Variants in DNAAF5 observed in about 807,000 individuals in gnomAD.
DNAAF5 encodes HEAT repeat containing 2.
In DNAAF5, 64 loss-of-function variants were observed where a neutral mutation model predicts 75.8. The observed-to-expected ratio is 0.84, with a 90% CI of 0.69 to 1.04. The LOEUF is 1.04. Among genes scored for constraint, DNAAF5 ranks in the 50% least tolerant of loss-of-function variants. DNAAF5 has a pLI of 0.00. For missense variants in DNAAF5, 1,269 were observed against 1,178.5 expected (o/e 1.08, Z -1.12); for synonymous variants, 657 against 557.2 (o/e 1.18, Z -2.52).
At position 729,875 on chromosome 7, in the gene DNAAF5, G is replaced by T. The variant is rs776036439; in HGVS notation, c.780+28G>T. ...AACTGGTGTTTCTCCTGGACAGTCT[G>T]TTCCTCTCTCCAACACAGGCGGGCT... On this transcript the variant is annotated intron_variant, in intron 2 of 12. Coordinates refer to ENST00000297440, the MANE Select transcript of DNAAF5 (RefSeq NM_017802.4). 20 of 1,610,148 alleles carry T rather than the reference G, an allele frequency of 1.2e-5. No homozygotes were observed. The African/African-American group carries it at 2.0e-4, about 16-fold the overall frequency.
intron 2 of DNAAF5, among the ~76,000 whole-genome samples, chr7:739,313 T>TCGTGGCAGGTGCGGC (rs1232054024): frequency 3.9e-5 from 6 of 152,208 alleles, no homozygotes; most frequent in Non-Finnish European, 8.8e-5. Flanking sequence ...TGGATTAGCG[T>TCGTGGCAGGTGCGGC]CGTGGCAGGT....
At chr7:769,800 C>T (rs1484059974) in intron 8 of DNAAF5, among the ~76,000 whole-genome samples, 1 of 152,110 alleles carries the variant, frequency 6.6e-6, no homozygotes, top group African/African-American at 2.4e-5. Context: ...CCACCACGCC[C>T]AGCTAATTTT....
intron 2 of DNAAF5, among the ~76,000 whole-genome samples, chr7:730,294 C>A (rs1781524500): frequency 1.3e-5 from 2 of 151,898 alleles, no homozygotes; most frequent in Non-Finnish European, 2.9e-5. Flanking sequence ...AGGCAGGAGT[C>A]CTACAGATGG....
chr7:774,788 C>T (rs1315677020), intron 10 of DNAAF5, among the ~76,000 whole-genome samples: 1 of 152,204 alleles, frequency 6.6e-6, no homozygotes, highest in African/African-American at 2.4e-5. Context: ...TAGTGCCTCA[C>T]CTAGGAGTTG....
chr7:773,645 G>A (rs1778649450), intron 9 of DNAAF5, among the ~76,000 whole-genome samples: 1 of 152,190 alleles, frequency 6.6e-6, no homozygotes, highest in Non-Finnish European at 1.5e-5. Flanking sequence ...TTCTGGGGGA[G>A]GGATGCAGAT....
chr7:735,658 C>G lies in DNAAF5; in HGVS notation c.781-5161C>G, dbSNP rs114809685. On this transcript the variant is annotated intron_variant, in intron 2 of 12. Coordinates refer to ENST00000297440, the MANE Select transcript of DNAAF5 (RefSeq NM_017802.4). ...TTGTTTGTAATGTCCTCTTCGATCT[C>G]TGATTTTATTTACTTGGGTCTTCTC... 4.3e-3 allele frequency among the ~76,000 whole-genome samples: 653 copies of G among 152,312 alleles called. 7 individuals are homozygous for G. The highest frequency in any genetic ancestry group is 0.015 in the African/African-American group (628 of 41,570).
At chr7:739,237 C>T (rs541075029) in intron 2 of DNAAF5, among the ~76,000 whole-genome samples, 1 of 152,168 alleles carries the variant, frequency 6.6e-6, no homozygotes, top group East Asian at 1.9e-4. Context: ...GCCACGCCCT[C>T]TGCCTGACAG....
intron 3 of DNAAF5, 111 bp from the exon 4 acceptor site, chr7:741,236 T>C: frequency 1.2e-6 from 1 of 816,570 alleles, no homozygotes; most frequent in Non-Finnish European, 2.0e-6. Flanking sequence ...GTTGGGGAGC[T>C]TCCCGCTCTC....
At position 759,342 on chromosome 7, in the gene DNAAF5, C is replaced by T. The variant is rs147504564; in HGVS notation, c.1470+2348C>T. Reference sequence around the variant, plus strand: ...AGTAGGTACTTCCAGGTGTCTCGGGCCCAGTAGGTCCCCTAGAGCTCGACA... The same window carrying T: ...AGTAGGTACTTCCAGGTGTCTCGGGTCCAGTAGGTCCCCTAGAGCTCGACA... On this transcript the variant is annotated intron_variant, in intron 6 of 12. Transcript: ENST00000297440. Among the ~76,000 whole-genome samples, 252 of 152,288 alleles carry T rather than the reference C, an allele frequency of 1.7e-3. 2 individuals carry two copies. The highest frequency in any genetic ancestry group is 5.3e-3 in the African/African-American group (222 of 41,548).
intron 4 of DNAAF5, among the ~76,000 whole-genome samples, chr7:744,037 C>T (rs1234815949): frequency 2.0e-5 from 3 of 151,608 alleles, no homozygotes; most frequent in Non-Finnish European, 2.9e-5. Flanking sequence ...GTGCTGCACC[C>T]ATTAACTCGT....
chr7:768,898 C>T lies in DNAAF5; in HGVS notation c.1784-1573C>T, dbSNP rs1333139471. 5.8e-6 allele frequency: 3 copies of T among 518,768 alleles called. No homozygotes were observed. The East Asian group carries it at 9.0e-5, about 15-fold the overall frequency. 32.1% of individuals were successfully genotyped at this position (518,768 alleles called of 1,614,324 possible). On this transcript the variant is annotated intron_variant, in intron 8 of 12. Transcript: ENST00000297440. ...AGGGTGAAACAGTCAGAAACTGGGT[C>T]AGAAGCAGCGTGGTTCTCGTGGCAG...
intron 4 of DNAAF5, among the ~76,000 whole-genome samples, chr7:748,876 G>A (rs1397029167): frequency 1.3e-5 from 2 of 152,180 alleles, no homozygotes; most frequent in Middle Eastern, 3.2e-3. Flanking sequence ...GGCAAAGTTC[G>A]GTAATATTTT....
At chr7:757,324 A>G (rs1451341171) in intron 6 of DNAAF5, among the ~76,000 whole-genome samples, 4 of 151,988 alleles carry the variant, frequency 2.6e-5, no homozygotes, top group Admixed American at 2.0e-4. Flanking sequence ...ACCACAGTTC[A>G]CGTGTTTGAT....
intron 4 of DNAAF5, among the ~76,000 whole-genome samples, chr7:743,609 T>C (rs538826987): frequency 3.3e-5 from 5 of 151,606 alleles, no homozygotes; most frequent in African/African-American, 1.2e-4. Flanking sequence ...CAAGGTTTGT[T>C]CTGATGGAGT....
At chr7:728,995 C>CT (rs398003363) in intron 1 of DNAAF5, among the ~76,000 whole-genome samples, 59,067 of 125,490 alleles carry the variant, frequency 0.47, 14,818 homozygotes, top group African/African-American at 0.53. Context: ...TTGGTTCTGA[C>CT]TTTTTTTTTT....
chr7:733,558 G>A (rs931929653), intron 2 of DNAAF5, among the ~76,000 whole-genome samples: 1 of 152,006 alleles, frequency 6.6e-6, no homozygotes, highest in African/African-American at 2.4e-5. Flanking sequence ...GTGCAGTGGT[G>A]CGATCTCTGC....
intron 2 of DNAAF5, among the ~76,000 whole-genome samples, chr7:736,582 C>A (rs76151186): frequency 6.6e-6 from 1 of 152,176 alleles, no homozygotes; most frequent in Non-Finnish European, 1.5e-5. Context: ...TTATTTTCAG[C>A]CTACGTGTGC....
chr7:761,997 T>TTGAGCCCCAGGCCTCAAACTTGTC, intron 7 of DNAAF5, 101 bp downstream of exon 7: 1 of 1,326,996 alleles, frequency 7.5e-7, no homozygotes, highest in Non-Finnish European at 1.0e-6. Flanking sequence ...CCCTCTGTGC[T>TTGAGCCCCAGGCCTCAAACTTGTC]TGACCAGCAA....
intron 12 of DNAAF5, among the ~76,000 whole-genome samples, chr7:784,519 G>T (rs1280037905): frequency 6.6e-6 from 1 of 152,182 alleles, no homozygotes; most frequent in Non-Finnish European, 1.5e-5. Flanking sequence ...TCCTCTTCCT[G>T]CCTCAGCTAG....
Sources: gnomAD v4.1 joint callset for allele counts (sites outside exome capture counted in the v4.1 genomes callset) on GRCh38, gnomAD v4.1.1 for gene constraint, MANE v1.5 for transcripts, NCBI Gene and HGNC (gene_info 2026-07-23, HGNC 2026-07-21) for gene names.